CRISPLD1: variants seen among roughly 807,000 people sequenced by gnomAD.
CRISPLD1 encodes the protein cysteine rich secretory protein LCCL domain containing 1, also known as cysteine-rich secretory protein LCCL domain-containing 1.
In CRISPLD1, 60 loss-of-function variants were observed where a neutral mutation model predicts 77.5. The observed-to-expected ratio is 0.77, with a 90% confidence interval of 0.63 to 0.96. CRISPLD1 has a LOEUF of 0.96. CRISPLD1 is among the 40% of genes least tolerant of loss of function. CRISPLD1 has a pLI of 0.00. For synonymous variants in CRISPLD1, 195 were observed against 200.1 expected (o/e 0.97, Z 0.22); for missense variants, 623 against 615.8 (o/e 1.01, Z -0.12).
intron 2 of CRISPLD1, among the ~76,000 whole-genome samples, chr8:74,993,523 T>A (rs1013559926): frequency 1.3e-5 from 2 of 152,228 alleles, no homozygotes; most frequent in African/African-American, 4.8e-5. Flanking sequence ...TACAGAATTT[T>A]GAAGTTTACA....
At chr8:75,031,987 A>G (rs911321650) in intron 14 of CRISPLD1, among the ~76,000 whole-genome samples, 2 of 151,980 alleles carry the variant, frequency 1.3e-5, no homozygotes, top group African/African-American at 4.8e-5. Flanking sequence ...GTAAACTTGC[A>G]GCCCAGCATA....
intron 2 of CRISPLD1, among the ~76,000 whole-genome samples, chr8:74,990,785 A>G (rs1208055054): frequency 6.6e-6 from 1 of 152,042 alleles, no homozygotes. Context: ...AAAAAAAAAA[A>G]AACCAGAAAA....
At chr8:75,031,237 AT>A (rs1451695005) in intron 14 of CRISPLD1, among the ~76,000 whole-genome samples, 30 of 151,956 alleles carry the variant, frequency 2.0e-4, no homozygotes, top group Admixed American at 2.0e-3. Flanking sequence ...GCTCACTCAA[AT>A]TCTCTCCCTT....
At chr8:75,008,700 A>G (rs1812877774) in intron 2 of CRISPLD1, among the ~76,000 whole-genome samples, 1 of 152,164 alleles carries the variant, frequency 6.6e-6, no homozygotes, top group South Asian at 2.1e-4. Flanking sequence ...TAGCAATATT[A>G]TAGTTTATTC....
intron 12 of CRISPLD1, among the ~76,000 whole-genome samples, chr8:75,021,236 G>T (rs1813130131): frequency 1.3e-5 from 2 of 152,166 alleles, no homozygotes; most frequent in African/African-American, 4.8e-5. Flanking sequence ...TGTTCACAAG[G>T]TATATAACGG....
intron 2 of CRISPLD1, among the ~76,000 whole-genome samples, chr8:74,992,843 G>T (rs1347907582): frequency 6.7e-6 from 1 of 150,042 alleles, no homozygotes; most frequent in African/African-American, 2.5e-5. Flanking sequence ...TGCAAACAAT[G>T]TCTTGGTTTC....
chr8:74,986,125 G>T lies in CRISPLD1; in HGVS notation c.138G>T (p.Trp46Cys). ...LEKYMDEDGE[W>C]WIAKQRGKRA... ...AATACATGGATGAGGATGGTGAGTG[G>T]TGGATAGCCAAACAACGAGGGAAAA... The change falls in exon 2 of 15, where the codon TGG (tryptophan) becomes TGT (cysteine). Residue 46 changes from tryptophan (W) to cysteine (C), a missense_variant. Transcript: ENST00000262207. 1 of 1,614,134 alleles carries T rather than the reference G, an allele frequency of 6.2e-7. No individual in the cohort carries two copies. The highest frequency in any genetic ancestry group is 8.5e-7 in the Non-Finnish European group (1 of 1,180,028).
At chr8:75,019,764 G>A in intron 10 of CRISPLD1, 106 bp from the exon 11 acceptor site, 1 of 826,958 alleles carries the variant, frequency 1.2e-6, no homozygotes, top group East Asian at 2.5e-5. Context: ...TTTAGTAAGT[G>A]TTTAAAAAGA....
At chr8:75,023,177 T>C (rs900034645) in intron 12 of CRISPLD1, among the ~76,000 whole-genome samples, 1 of 151,676 alleles carries the variant, frequency 6.6e-6, no homozygotes, top group Non-Finnish European at 1.5e-5. Context: ...GCAAAAAACT[T>C]CCCCCAATCT....
At chr8:75,029,232 ACT>A in intron 13 of CRISPLD1, 153 bp from the exon 14 acceptor site, 1 of 767,484 alleles carries the variant, frequency 1.3e-6, no homozygotes, top group Non-Finnish European at 2.0e-6. Flanking sequence ...CGTTTCAAAC[ACT>A]CTTTTATGCA....
At chr8:75,013,302 C>T (rs1812967842) in intron 4 of CRISPLD1, among the ~76,000 whole-genome samples, 1 of 151,960 alleles carries the variant, frequency 6.6e-6, no homozygotes, top group Non-Finnish European at 1.5e-5. Flanking sequence ...AATTTACCAT[C>T]TTCAATGTCA....
At chr8:75,031,685 T>A (rs1813350800) in intron 14 of CRISPLD1, among the ~76,000 whole-genome samples, 1 of 151,950 alleles carries the variant, frequency 6.6e-6, no homozygotes, top group African/African-American at 2.4e-5. Flanking sequence ...ATTATAGATG[T>A]TAAGAGTATT....
chr8:75,014,873 A>G lies in CRISPLD1; in HGVS notation c.688A>G (p.Ser230Gly). 1 of 1,577,812 alleles carries G rather than the reference A, an allele frequency of 6.3e-7. No homozygotes were observed. The highest frequency in any genetic ancestry group is 8.6e-7 in the Non-Finnish European group (1 of 1,168,102). ...HGRPCSACPP[S>G]FGGGCRENLC... The stretch of plus-strand genomic sequence containing the variant: ...GCGGCCCTGTTCTGCTTGCCCACCT[A>G]GTTTTGGAGGGGGCTGTAGAGAAAA... Residue 230 changes from serine to glycine, a missense_variant, in exon 6 of 15, where the codon AGT (serine) becomes GGT (glycine). Transcript: ENST00000262207.
intron 2 of CRISPLD1, among the ~76,000 whole-genome samples, chr8:75,003,552 T>A (rs1812780735): frequency 6.6e-6 from 1 of 152,184 alleles, no homozygotes; most frequent in Non-Finnish European, 1.5e-5. Context: ...GACTTTTAGA[T>A]CAATCCTGCA....
chr8:75,015,890 G>C (rs1000485641), intron 6 of CRISPLD1, among the ~76,000 whole-genome samples: 1 of 151,916 alleles, frequency 6.6e-6, no homozygotes, highest in Non-Finnish European at 1.5e-5. Context: ...TGACTTTCTT[G>C]TGACTTCATA....
At chr8:75,015,322 A>G (rs1277441598) in intron 6 of CRISPLD1, among the ~76,000 whole-genome samples, 1 of 152,160 alleles carries the variant, frequency 6.6e-6, no homozygotes, top group Non-Finnish European at 1.5e-5. Flanking sequence ...TGTGTATCTT[A>G]TTGAACCATG....
chr8:75,018,143 A>C (rs1345442874), intron 10 of CRISPLD1, among the ~76,000 whole-genome samples: 2 of 152,148 alleles, frequency 1.3e-5, no homozygotes, highest in Admixed American at 1.3e-4. Context: ...GAAATTTGAC[A>C]TTGTCTCTTT....
intron 2 of CRISPLD1, among the ~76,000 whole-genome samples, chr8:75,005,965 A>G (rs1032756807): frequency 6.6e-6 from 1 of 152,146 alleles, no homozygotes; most frequent in Non-Finnish European, 1.5e-5. Flanking sequence ...GGTTTGTTAC[A>G]TGGATATCTT....
chr8:75,000,045 A>G, intron 2 of CRISPLD1: 1 of 645,444 alleles, frequency 1.5e-6, no homozygotes, highest in Non-Finnish European at 1.9e-6. Context: ...CAGCAACTAG[A>G]TACAAGGATA....
Sources: gnomAD v4.1 joint callset for allele counts (sites outside exome capture counted in the v4.1 genomes callset) on GRCh38, gnomAD v4.1.1 for gene constraint, MANE v1.5 for transcripts, NCBI Gene and HGNC (gene_info 2026-07-23, HGNC 2026-07-21) for gene names.